Variants in TANC1 observed in about 807,000 individuals in gnomAD.
TANC1 encodes the protein tetratricopeptide repeat, ankyrin repeat and coiled-coil containing 1.
A neutral mutation model predicts 149.7 loss-of-function variants in TANC1; 77 were observed. That is an observed-to-expected ratio of 0.51 (90% confidence interval 0.43 to 0.62). The LOEUF (loss-of-function observed/expected upper bound fraction) is 0.62. TANC1 is among the 20% of genes least tolerant of loss of function. TANC1 has a pLI of 0.00. For missense variants in TANC1, 1,985 were observed against 2,321.8 expected, an observed-to-expected ratio of 0.85 and a Z score of 2.98; for synonymous variants, 854 against 925.0, an observed-to-expected ratio of 0.92 and a Z score of 1.39.
intron 3 of TANC1, among the ~76,000 whole-genome samples, chr2:159,082,510 C>T (rs2044380891): frequency 6.6e-6 from 1 of 152,116 alleles, no homozygotes; most frequent in African/African-American, 2.4e-5. Context: ...CTCCTTTTGA[C>T]CTTGGTAAGT....
chr2:159,213,232 T>G (rs2059119780), intron 19 of TANC1, among the ~76,000 whole-genome samples: 1 of 152,108 alleles, frequency 6.6e-6, no homozygotes, highest in Non-Finnish European at 1.5e-5. Context: ...CATATTCTGG[T>G]CTCTCACAAT....
At chr2:159,131,141 T>C (rs961104433) in intron 4 of TANC1, among the ~76,000 whole-genome samples, 4 of 151,818 alleles carry the variant, frequency 2.6e-5, no homozygotes, top group African/African-American at 9.7e-5. Flanking sequence ...ATCTCATAGC[T>C]GGGGGCTGGG....
At chr2:159,096,252 C>A (rs571783406) in intron 3 of TANC1, among the ~76,000 whole-genome samples, 3 of 148,892 alleles carry the variant, frequency 2.0e-5, no homozygotes, top group Non-Finnish European at 4.4e-5. Context: ...AAGAAGCAGT[C>A]AGAGGAAAAT....
At chr2:159,094,436 C>A (rs1443592789) in intron 3 of TANC1, among the ~76,000 whole-genome samples, 2 of 152,142 alleles carry the variant, frequency 1.3e-5, no homozygotes, top group Non-Finnish European at 2.9e-5. Context: ...AGGCACAGCA[C>A]CTGCTTGCAT....
At chr2:158,979,330 T>A (rs894960499) in intron 1 of TANC1, among the ~76,000 whole-genome samples, 1 of 150,952 alleles carries the variant, frequency 6.6e-6, no homozygotes, top group African/African-American at 2.4e-5. Flanking sequence ...CTCTACAAAA[T>A]TTTTTTTTAA....
intron 5 of TANC1, chr2:159,147,865 T>A (rs916965716): frequency 6.6e-6 from 1 of 152,220 alleles, no homozygotes; most frequent in African/African-American, 2.4e-5. Flanking sequence ...TAGTTTCCCT[T>A]GTAGCTGCCA....
chr2:159,025,339 A>G (rs565483969), intron 2 of TANC1, among the ~76,000 whole-genome samples: 1 of 151,542 alleles, frequency 6.6e-6, no homozygotes, highest in African/African-American at 2.4e-5. Context: ...ACAAAGTACC[A>G]CTAAGCAATA....
chr2:158,992,648 G>A (rs1159976644), intron 1 of TANC1, among the ~76,000 whole-genome samples: 4 of 149,562 alleles, frequency 2.7e-5, no homozygotes, highest in East Asian at 2.0e-4. Flanking sequence ...GACTACAGGC[G>A]CCCACCACCA....
chr2:159,229,631 C>T lies in TANC1; in HGVS notation c.4205C>T (p.Thr1402Ile), dbSNP rs1369423184. The part of the protein sequence containing the change: ...DLQEAVKLCP[T>I]NQEVKRLLAR... Reference sequence around the variant, plus strand: ...CAAGAGGCTGTGAAACTCTGTCCCACCAATCAGGAAGTCAAGAGGCTTCTG... The same window carrying T: ...CAAGAGGCTGTGAAACTCTGTCCCATCAATCAGGAAGTCAAGAGGCTTCTG... The change falls in exon 27 of 27, where the codon ACC (threonine) becomes ATC (isoleucine). Residue 1402 changes from threonine (T) to isoleucine (I), a missense_variant. Around this residue, in one of 3 missense-constraint regions of TANC1, gnomAD observed 920 missense variants for 994.7 expected, o/e 0.92. Coordinates refer to ENST00000263635, the MANE Select transcript of TANC1 (RefSeq NM_033394.3). 3 of 1,613,830 alleles carry T rather than the reference C, an allele frequency of 1.9e-6. No individual in the cohort carries two copies. Among genetic ancestry groups the T allele is most frequent in the African/African-American group, 1.3e-5 (1 of 74,892 alleles).
At chr2:159,106,251 CAAAG>C (rs1489998432) in intron 4 of TANC1, among the ~76,000 whole-genome samples, 2 of 139,134 alleles carry the variant, frequency 1.4e-5, no homozygotes, top group Non-Finnish European at 3.3e-5. Flanking sequence ...ATCTCCTCCT[CAAAG>C]AAACCAAAGC....
chr2:159,042,369 A>G (rs2040713492), intron 2 of TANC1, among the ~76,000 whole-genome samples: 1 of 152,112 alleles, frequency 6.6e-6, no homozygotes, highest in Non-Finnish European at 1.5e-5. Flanking sequence ...CATGGAGAGC[A>G]CCCTTGAAAA....
chr2:159,219,973 A>AGTGTGT (rs1575337380), intron 22 of TANC1, 106 bp downstream of exon 22: 3 of 651,486 alleles, frequency 4.6e-6, no homozygotes, highest in South Asian at 2.5e-5. Context: ...CAGTGTCATC[A>AGTGTGT]GAGAGTGTGT....
At chr2:158,970,326 G>A (rs1216712692) in intron 1 of TANC1, among the ~76,000 whole-genome samples, 1 of 152,204 alleles carries the variant, frequency 6.6e-6, no homozygotes, top group Non-Finnish European at 1.5e-5. Context: ...CAGGGGAGGG[G>A]AAGGAGAGGA....
At chr2:158,986,780 C>T (rs900875386) in intron 1 of TANC1, among the ~76,000 whole-genome samples, 1 of 152,120 alleles carries the variant, frequency 6.6e-6, no homozygotes. Flanking sequence ...TTTTTAGGAA[C>T]CTGTGTACAT....
chr2:159,087,718 G>A (rs1028341934), intron 3 of TANC1, among the ~76,000 whole-genome samples: 1 of 151,630 alleles, frequency 6.6e-6, no homozygotes, highest in Non-Finnish European at 1.5e-5. Context: ...GACGGGAGGG[G>A]ACAAGGGTTG....
chr2:159,026,954 T>C (rs2039393681), intron 2 of TANC1: 1 of 152,158 alleles, frequency 6.6e-6, no homozygotes, highest in African/African-American at 2.4e-5. Context: ...CATCTATCAA[T>C]AGTAATCTCC....
At chr2:159,017,503 T>C (rs985531110) in intron 2 of TANC1, among the ~76,000 whole-genome samples, 2 of 152,154 alleles carry the variant, frequency 1.3e-5, no homozygotes, top group Non-Finnish European at 2.9e-5. Flanking sequence ...CTGTAAATGT[T>C]AGGAAATAAG....
At chr2:159,130,295 T>C (rs3732285) in intron 4 of TANC1, among the ~76,000 whole-genome samples, 41,109 of 152,108 alleles carry the variant, frequency 0.27, 5,652 homozygotes, top group Middle Eastern at 0.33. Context: ...GGGGGATTAA[T>C]CTCATAACAC....
intron 4 of TANC1, 135 bp from the exon 5 acceptor site, chr2:159,136,059 C>A: frequency 5.8e-6 from 3 of 514,716 alleles, no homozygotes; most frequent in African/African-American, 2.3e-5. Context: ...TGCGCGCGCG[C>A]GCGTTTAAGG....
Sources: gnomAD v4.1 joint callset for allele counts (sites outside exome capture counted in the v4.1 genomes callset) on GRCh38, gnomAD v4.1.1 for gene constraint, gnomAD v4.1.1 regional missense constraint, MANE v1.5 for transcripts, NCBI Gene and HGNC (gene_info 2026-07-23, HGNC 2026-07-21) for gene names.